AEBP2: variants seen among roughly 807,000 people sequenced by gnomAD.
The protein encoded by AEBP2 is AE binding protein 2.
AEBP2 carries 10 observed loss-of-function variants against 50.8 expected under a neutral mutation model. The ratio of observed to expected loss-of-function variants is 0.20; its 90% CI spans 0.12 to 0.33. The LOEUF (loss-of-function observed/expected upper bound fraction) is 0.33. Ranked by LOEUF, AEBP2 falls within the 10% of genes least tolerant of loss-of-function variation. AEBP2 has a pLI of 1.00. For missense variants in AEBP2, 570 were observed against 688.0 expected, an observed-to-expected ratio of 0.83 and a Z score of 1.92; for synonymous variants, 296 against 261.3, an observed-to-expected ratio of 1.13 and a Z score of -1.28.
intron 3 of AEBP2, among the ~76,000 whole-genome samples, chr12:19,490,339 T>G (rs188209854): frequency 1.3e-5 from 2 of 152,240 alleles, no homozygotes; most frequent in Admixed American, 6.5e-5. Context: ...ACTAACCCAT[T>G]AGGGTAATTA....
chr12:19,436,308 C>T (rs542530313), upstream of AEBP2, among the ~76,000 whole-genome samples: 15 of 152,300 alleles, frequency 9.8e-5, no homozygotes, highest in Admixed American at 9.2e-4. Flanking sequence ...GAACTGCCCA[C>T]CCTTTTCCTG....
chr12:19,515,910 G>A (rs531938052), intron 7 of AEBP2, among the ~76,000 whole-genome samples: 2 of 152,110 alleles, frequency 1.3e-5, no homozygotes, highest in South Asian at 2.1e-4. Flanking sequence ...GACCAGCCTC[G>A]GCAACATAGT....
At position 19,481,092 on chromosome 12, in the gene AEBP2, C is replaced by CTTTTTTTTTTTTTTTTTT. The variant is rs71067027; in HGVS notation, c.987+7746_987+7763dup. On this transcript the variant is annotated intron_variant, in intron 3 of 7. Transcript: ENST00000266508. ...TGTTATTGAAACTTTGCAGTGCATC[C>CTTTTTTTTTTTTTTTTTT]TTTTTTTTTTTTTTTTTTTTTTTTT... Among the ~76,000 whole-genome samples, 11 of 74,054 alleles carry CTTTTTTTTTTTTTTTTTT rather than the reference C, an allele frequency of 1.5e-4. 2 individuals carry two copies. The highest frequency in any genetic ancestry group is 3.4e-4 in the African/African-American group (6 of 17,580). The allele number at this position is 74,054 out of a possible 152,430, so 48.6% of individuals were successfully genotyped here. A position where few individuals can be genotyped will look rare whatever the true frequency, so the allele number is the denominator to read the frequency against.
chr12:19,439,229 C>A (rs1565701423), upstream of AEBP2, among the ~76,000 whole-genome samples: 1 of 152,210 alleles, frequency 6.6e-6, no homozygotes, highest in Non-Finnish European at 1.5e-5. Flanking sequence ...CCTCAAACAC[C>A]CCCGGAATGA....
At chr12:19,460,410 T>C (rs2153369841) in intron 1 of AEBP2, among the ~76,000 whole-genome samples, 1 of 151,566 alleles carries the variant, frequency 6.6e-6, no homozygotes, top group African/African-American at 2.4e-5. Context: ...GGCGTTACCT[T>C]GGCTCACTGC....
At chr12:19,409,127 C>A (rs1464015384) in intron 1 of AEBP2, among the ~76,000 whole-genome samples, 1 of 152,066 alleles carries the variant, frequency 6.6e-6, no homozygotes, top group Non-Finnish European at 1.5e-5. Context: ...AAGCTTGCAG[C>A]CTTCAACTAG....
At chr12:19,513,298 G>A (rs1352404031) in intron 6 of AEBP2, among the ~76,000 whole-genome samples, 1 of 150,638 alleles carries the variant, frequency 6.6e-6, no homozygotes, top group Non-Finnish European at 1.5e-5. Context: ...TGCCCATTTA[G>A]AGCTTAGTTC....
chr12:19,462,396 G>T, intron 1 of AEBP2, 114 bp from the exon 2 acceptor site: 3 of 841,116 alleles, frequency 3.6e-6, no homozygotes, highest in Non-Finnish European at 3.7e-6. Flanking sequence ...TGGTTACTAT[G>T]CTTTGTTCAC....
chr12:19,440,466 G>C, intron 1 of AEBP2, 96 bp downstream of exon 1: 1 of 1,410,114 alleles, frequency 7.1e-7, no homozygotes, highest in Non-Finnish European at 9.2e-7. Flanking sequence ...CGATCCCCCT[G>C]CTCCCCGAAT....
chr12:19,518,237 T>C lies in AEBP2; in HGVS notation c.*120T>C. On this transcript the variant is annotated 3_prime_UTR_variant, in exon 8 of 8. Transcript: ENST00000266508. Reference sequence around the variant, plus strand: ...CCCCTTCTTTTTTTTTTTTTTTTTTTTAAATCCAGTATTTAGGATAATATT... The same window carrying C: ...CCCCTTCTTTTTTTTTTTTTTTTTTCTAAATCCAGTATTTAGGATAATATT... 1 of 1,331,398 alleles carries C rather than the reference T, an allele frequency of 7.5e-7. No individual in the cohort carries two copies. Among genetic ancestry groups the C allele is most frequent in the Non-Finnish European group, 9.7e-7 (1 of 1,033,930 alleles). The allele number at this position is 1,331,398 out of a possible 1,614,324, so 82.5% of individuals were successfully genotyped here. A position where few individuals can be genotyped will look rare whatever the true frequency, so the allele number is the denominator to read the frequency against.
upstream of AEBP2, among the ~76,000 whole-genome samples, chr12:19,435,291 T>TC (rs926057269): frequency 2.6e-5 from 4 of 151,226 alleles, no homozygotes; most frequent in Non-Finnish European, 5.9e-5. Context: ...TTTTTTTTTT[T>TC]TTTTCTTGAG....
chr12:19,499,925 A>C (rs1275472968), intron 4 of AEBP2, among the ~76,000 whole-genome samples, 172 bp from the exon 5 acceptor site: 2 of 152,212 alleles, frequency 1.3e-5, no homozygotes, highest in Non-Finnish European at 2.9e-5. Flanking sequence ...ATTTGTTGAA[A>C]TAATGCTTTT....
Position 19,519,726 on chromosome 12 carries a change from C to T in AEBP2, c.*1609C>T, listed in dbSNP as rs530895044. 3 of 152,388 alleles carry T rather than the reference C, an allele frequency of 2.0e-5. No homozygotes were observed. Among genetic ancestry groups the T allele is most frequent in the South Asian group, 2.1e-4 (1 of 4,824 alleles). 9.4% of individuals were successfully genotyped at this position (152,388 alleles called of 1,614,324 possible). ...TGGTTCCAAAATGGGAAAGGTTCCA[C>T]GATACATAAATCATTTCTCATTTGC... On this transcript the variant is annotated 3_prime_UTR_variant, in exon 8 of 8. Coordinates refer to ENST00000266508, the MANE Select transcript of AEBP2 (RefSeq NM_153207.5).
intron 3 of AEBP2, among the ~76,000 whole-genome samples, chr12:19,479,805 C>G (rs866146064): frequency 8.5e-6 from 1 of 117,896 alleles, no homozygotes. Context: ...TGCCTGCTTG[C>G]TTTTGGTTTC....
chr12:19,456,327 TC>T, intron 1 of AEBP2: 1 of 1,435,782 alleles, frequency 7.0e-7, no homozygotes, highest in South Asian at 1.1e-5. Flanking sequence ...TTTGATGACA[TC>T]CACTGCAACT....
chr12:19,477,150 G>A (rs1048558869), intron 3 of AEBP2, among the ~76,000 whole-genome samples: 2 of 151,948 alleles, frequency 1.3e-5, no homozygotes, highest in African/African-American at 2.4e-5. Context: ...ATTAATTTAC[G>A]TTGATTTTTG....
intron 3 of AEBP2, among the ~76,000 whole-genome samples, chr12:19,473,983 T>C (rs1948611802): frequency 6.6e-6 from 1 of 152,150 alleles, no homozygotes; most frequent in Non-Finnish European, 1.5e-5. Context: ...GGTCTGATTA[T>C]GTTTTCTTAT....
chr12:19,466,866 C>T, intron 2 of AEBP2: 6 of 880,968 alleles, frequency 6.8e-6, no homozygotes, highest in Non-Finnish European at 8.2e-6. Context: ...TTAGCAAGAT[C>T]TAAACTATAT....
intron 1 of AEBP2, among the ~76,000 whole-genome samples, chr12:19,407,610 T>G (rs1429602146): frequency 6.6e-6 from 1 of 152,168 alleles, no homozygotes; most frequent in Non-Finnish European, 1.5e-5. Flanking sequence ...CCTCCATCTC[T>G]TTTTTCTTTT....
Sources: allele counts gnomAD v4.1 joint callset (sites outside exome capture counted in the v4.1 genomes callset), GRCh38; gene constraint gnomAD v4.1.1; transcripts MANE v1.5; gene names NCBI Gene and HGNC (gene_info 2026-07-23, HGNC 2026-07-21).